Variants in CACNB2 observed in about 807,000 individuals in gnomAD.
CACNB2 encodes the protein voltage-dependent L-type calcium channel subunit beta-2.
A neutral mutation model predicts 73.3 loss-of-function variants in CACNB2; 42 were observed. The observed-to-expected ratio is 0.57, with a 90% CI of 0.45 to 0.74. The LOEUF (loss-of-function observed/expected upper bound fraction) is 0.74. CACNB2 is among the 30% of genes least tolerant of loss of function. The pLI is 0.00. For missense variants in CACNB2, 940 were observed against 853.0 expected (o/e 1.10, Z -1.27); for synonymous variants, 348 against 310.3 (o/e 1.12, Z -1.28).
intron 3 of CACNB2, among the ~76,000 whole-genome samples, chr10:18,410,524 CAT>C (rs944321455): frequency 2.0e-5 from 3 of 152,098 alleles, no homozygotes; most frequent in Admixed American, 1.3e-4. Context: ...AAATATTAAA[CAT>C]GTTTTAAAAA....
At chr10:18,436,988 G>T (rs1470850350) in intron 3 of CACNB2, among the ~76,000 whole-genome samples, 1 of 152,190 alleles carries the variant, frequency 6.6e-6, no homozygotes, top group Non-Finnish European at 1.5e-5. Context: ...GCTTGCTGGA[G>T]ATACATGGGC....
intron 2 of CACNB2, among the ~76,000 whole-genome samples, chr10:18,172,939 T>TTTTTTTTTTTTTTTTTTTTTTA (rs1554765028): frequency 6.7e-6 from 1 of 150,166 alleles, no homozygotes; most frequent in African/African-American, 2.5e-5. Flanking sequence ...TTTTTTTTTT[T>TTTTTTTTTTTTTTTTTTTTTTA]AAATGGAGTT....
chr10:18,535,496 G>C (rs1191775211), intron 11 of CACNB2, among the ~76,000 whole-genome samples: 1 of 152,072 alleles, frequency 6.6e-6, no homozygotes, highest in Non-Finnish European at 1.5e-5. Flanking sequence ...AATTCGGCCG[G>C]GCGCAGTGGC....
Position 18,504,510 on chromosome 10 carries a change from T to C in CACNB2, c.594-1961T>C, listed in dbSNP as rs145257838. 3.5e-4 allele frequency among the ~76,000 whole-genome samples: 54 copies of C among 152,368 alleles called. 1 individual carries two copies. In the East Asian group the frequency reaches 5.2e-3, roughly 15 times the overall value. On this transcript the variant is annotated intron_variant, in intron 5 of 13. Coordinates refer to ENST00000324631, the MANE Select transcript of CACNB2 (RefSeq NM_201596.3). ...CATCTCAGAACTTACTCCAGAGAACTAGATTACCTTTTCTTACAGCCATAT... is the reference window on the plus strand; with the variant it reads ...CATCTCAGAACTTACTCCAGAGAACCAGATTACCTTTTCTTACAGCCATAT...
At chr10:18,525,955 C>G (rs1273006588) in intron 9 of CACNB2, among the ~76,000 whole-genome samples, 2 of 152,106 alleles carry the variant, frequency 1.3e-5, no homozygotes, top group Non-Finnish European at 2.9e-5. Flanking sequence ...CATCTTTTAG[C>G]TTTTAACTGT....
Position 18,176,295 on chromosome 10 carries a change from A to G in CACNB2, c.213+25320A>G, listed in dbSNP as rs146821399. On this transcript the variant is annotated intron_variant, in intron 2 of 13. Transcript: ENST00000324631. ...TGGTGAACAGTATTATGAAAGAGAG[A>G]CAGTCTCTGATTCCAGGAAGTTTAC... Among the ~76,000 whole-genome samples the G allele has an allele frequency of 1.4e-4, 22 of 152,298 alleles. No individual in the cohort carries two copies. The East Asian group carries it at 3.9e-3, about 27-fold the overall frequency.
At chr10:18,295,883 G>A (rs1269469086) in intron 2 of CACNB2, among the ~76,000 whole-genome samples, 3 of 152,066 alleles carry the variant, frequency 2.0e-5, no homozygotes, top group Non-Finnish European at 4.4e-5. Context: ...TTTTGAAGGG[G>A]AAAAGGAAAG....
chr10:18,166,331 C>T (rs1323889238), intron 2 of CACNB2, among the ~76,000 whole-genome samples: 2 of 152,102 alleles, frequency 1.3e-5, no homozygotes, highest in African/African-American at 4.8e-5. Flanking sequence ...TCTTGGCACA[C>T]TGTGACCTCT....
intron 2 of CACNB2, among the ~76,000 whole-genome samples, chr10:18,278,682 C>T (rs2038403706): frequency 6.6e-6 from 1 of 152,036 alleles, no homozygotes; most frequent in Non-Finnish European, 1.5e-5. Flanking sequence ...TTCTGCTTTT[C>T]ACAGCCTATT....
rs568201272 is a variant in CACNB2 at position 18,418,667 on chromosome 10, C to A, written c.333+16624C>A. ...AATAAGACAAACGCCAATATGTAGCCAGTCCAGCTATTTCTGTACCTCACT... is the reference window on the plus strand; with the variant it reads ...AATAAGACAAACGCCAATATGTAGCAAGTCCAGCTATTTCTGTACCTCACT... On this transcript the variant is annotated intron_variant, in intron 3 of 13. Transcript: ENST00000324631. Among the ~76,000 whole-genome samples the A allele has an allele frequency of 3.0e-3, 463 of 152,316 alleles. 3 individuals carry two copies. Among genetic ancestry groups the A allele is most frequent in the African/African-American group, 0.011 (437 of 41,568 alleles).
intron 2 of CACNB2, among the ~76,000 whole-genome samples, chr10:18,194,000 T>C (rs2034517868): frequency 6.6e-6 from 1 of 152,092 alleles, no homozygotes; most frequent in Non-Finnish European, 1.5e-5. Context: ...ATAGAAAGCT[T>C]CTGGAGTATT....
At chr10:18,207,000 G>A (rs1051026939) in intron 2 of CACNB2, among the ~76,000 whole-genome samples, 10 of 151,996 alleles carry the variant, frequency 6.6e-5, no homozygotes, top group African/African-American at 2.4e-4. Context: ...ACAGTATATT[G>A]TTATAATTCT....
intron 2 of CACNB2, among the ~76,000 whole-genome samples, chr10:18,326,918 GT>G (rs894876342): frequency 6.6e-6 from 1 of 151,988 alleles, no homozygotes; most frequent in African/African-American, 2.4e-5. Context: ...GTAGAGACGG[GT>G]TTTTTTGCCA....
chr10:18,486,967 CTT>C (rs2049094145), intron 3 of CACNB2, among the ~76,000 whole-genome samples: 1 of 152,150 alleles, frequency 6.6e-6, no homozygotes, highest in African/African-American at 2.4e-5. Context: ...CTCTCTCTCT[CTT>C]GCAAAGAGAG....
chr10:18,441,996 T>C (rs2046431296), intron 3 of CACNB2, among the ~76,000 whole-genome samples: 1 of 152,194 alleles, frequency 6.6e-6, no homozygotes, highest in South Asian at 2.1e-4. Context: ...GCTTTTATTT[T>C]CTAAGTACTT....
rs549675651 is a variant in CACNB2 at position 18,390,198 on chromosome 10, T to C, written c.214-11726T>C. Among the ~76,000 whole-genome samples the C allele has an allele frequency of 1.3e-4, 20 of 152,332 alleles. No homozygotes were observed. The South Asian group carries it at 4.1e-3, about 32-fold the overall frequency. On this transcript the variant is annotated intron_variant, in intron 2 of 13. Coordinates refer to ENST00000324631, the MANE Select transcript of CACNB2 (RefSeq NM_201596.3). Reference sequence around the variant, plus strand: ...CTCAAGAAAAGGCCTGGCACTTGGATGTACCATCTTTTGACATGGCCTTTC... The same window carrying C: ...CTCAAGAAAAGGCCTGGCACTTGGACGTACCATCTTTTGACATGGCCTTTC...
chr10:18,315,267 G>A (rs1049592938), intron 2 of CACNB2, among the ~76,000 whole-genome samples: 3 of 151,920 alleles, frequency 2.0e-5, no homozygotes, highest in African/African-American at 7.3e-5. Context: ...TTGGGAGGTG[G>A]AGGTTGCAGT....
intron 3 of CACNB2, among the ~76,000 whole-genome samples, chr10:18,475,926 T>G (rs982079769): frequency 1.3e-5 from 2 of 152,110 alleles, no homozygotes; most frequent in African/African-American, 4.8e-5. Context: ...TTGGACCTTG[T>G]GCAAGGAAGA....
At position 18,527,667 on chromosome 10, in the gene CACNB2, A is replaced by G; in HGVS notation, c.1024A>G (p.Ile342Val). ...VLNNPSKHAI[I>V]ERSNTRSSLA... ...AAACAATCCCAGTAAGCACGCAATA[A>G]TAGAAAGATCCAACACAAGGTCAAG... Residue 342 changes from isoleucine (I) to valine (V), a missense_variant, in exon 10 of 14, where the codon ATA (isoleucine) becomes GTA (valine). Physicochemically the swap from Ile to Val is conservative, Grantham distance 29. Coordinates refer to ENST00000324631, the MANE Select transcript of CACNB2 (RefSeq NM_201596.3). 6.8e-6 allele frequency: 11 copies of G among 1,613,618 alleles called. No individual in the cohort carries two copies. Among genetic ancestry groups the G allele is most frequent in the Non-Finnish European group, 8.5e-6 (10 of 1,179,668 alleles).
Sources: allele counts gnomAD v4.1 joint callset (sites outside exome capture counted in the v4.1 genomes callset), GRCh38; gene constraint gnomAD v4.1.1; transcripts MANE v1.5; gene names NCBI Gene and HGNC (gene_info 2026-07-23, HGNC 2026-07-21).